DNAAF9: variants seen among roughly 807,000 people sequenced by gnomAD.
The protein encoded by DNAAF9 is shulin.
Under a neutral mutation model 167.0 loss-of-function variants are expected in DNAAF9, and 90 were observed. The observed-to-expected ratio is 0.54, with a 90% CI of 0.45 to 0.64. The LOEUF (loss-of-function observed/expected upper bound fraction) is 0.64, where lower values mean the gene tolerates loss of function less well. Ranked by LOEUF, DNAAF9 falls within the 30% of genes least tolerant of loss-of-function variation. The pLI is 0.00. For missense variants in DNAAF9, 1,315 were observed against 1,442.2 expected (o/e 0.91, Z 1.43); for synonymous variants, 491 against 508.8 (o/e 0.96, Z 0.47).
intron 25 of DNAAF9, among the ~76,000 whole-genome samples, chr20:3,290,558 T>C (rs2122906640): frequency 6.6e-6 from 1 of 152,328 alleles, no homozygotes; most frequent in South Asian, 2.1e-4. Flanking sequence ...AGGACCTACC[T>C]GCTTGAGACC....
At chr20:3,386,140 A>C (rs144452196) in intron 1 of DNAAF9, among the ~76,000 whole-genome samples, 1 of 152,156 alleles carries the variant, frequency 6.6e-6, no homozygotes, top group African/African-American at 2.4e-5. Flanking sequence ...AAATAAATAA[A>C]ACTCATAAGG....
chr20:3,356,844 C>T (rs1278512474), intron 7 of DNAAF9, among the ~76,000 whole-genome samples: 2 of 152,116 alleles, frequency 1.3e-5, no homozygotes, highest in East Asian at 3.9e-4. Flanking sequence ...TCCATATGAC[C>T]AGGGCCAACA....
rs774391789 is a variant in DNAAF9 at position 3,381,737 on chromosome 20, CCTGTTA to C, written c.164-245_164-240del. On this transcript the variant is annotated intron_variant, in intron 2 of 36. Coordinates refer to ENST00000252032, the MANE Select transcript of DNAAF9 (RefSeq NM_001009984.3). Reference sequence around the variant, plus strand: ...TAATCAAACAGCACAGATTATGGAGCCTGTTAATTTCTGAAAAGGATTCATCTTGGA... The same window carrying C: ...TAATCAAACAGCACAGATTATGGAGCATTTCTGAAAAGGATTCATCTTGGA... Among the ~76,000 whole-genome samples the C allele has an allele frequency of 1.6e-3, 243 of 152,230 alleles. 1 individual carries two copies. Among genetic ancestry groups the C allele is most frequent in the Non-Finnish European group, 2.3e-3 (159 of 68,020 alleles).
chr20:3,316,035 G>T (rs2069494949), intron 18 of DNAAF9: 4 of 546,416 alleles, frequency 7.3e-6, no homozygotes, highest in Non-Finnish European at 1.3e-5. Flanking sequence ...AAGCAGAGGG[G>T]ATGTGTTAGT....
chr20:3,278,766 T>C (rs1369300526), intron 29 of DNAAF9, 146 bp downstream of exon 29: 1 of 748,470 alleles, frequency 1.3e-6, no homozygotes, highest in Non-Finnish European at 2.5e-6. Context: ...TCAAATATGG[T>C]AAAAGTAAAG....
In DNAAF9 at chr20:3,348,613, G is replaced by A; in HGVS notation, c.701C>T (p.Ala234Val). The change falls in exon 8 of 37, where the codon GCT (alanine) becomes GTT (valine). Residue 234 changes from alanine (A) to valine (V), a missense_variant. Ala to Val is a moderately conservative substitution (Grantham distance 64, BLOSUM62 0). Coordinates refer to ENST00000252032, the MANE Select transcript of DNAAF9 (RefSeq NM_001009984.3). ...GAAGCTAGTCCACTGATGTTCAAAAGCCACCAAATCCTGGGAAAAAAAGGA... is the reference window on the plus strand; with the variant it reads ...GAAGCTAGTCCACTGATGTTCAAAAACCACCAAATCCTGGGAAAAAAAGGA... ...LESLLSDDLV[A>V]FEHQWTSFFA... 6.3e-7 allele frequency: 1 copy of A among 1,596,130 alleles called. No homozygotes were observed. The highest frequency in any genetic ancestry group is 8.5e-7 in the Non-Finnish European group (1 of 1,169,978).
intron 3 of DNAAF9, 70 bp downstream of exon 3, chr20:3,381,309 A>G: frequency 7.9e-7 from 1 of 1,271,050 alleles, no homozygotes; most frequent in East Asian, 2.5e-5. Flanking sequence ...TAAGAAGACC[A>G]TAAAATAAGG....
chr20:3,281,801 G>C, intron 27 of DNAAF9, 35 bp from the exon 28 acceptor site: 1 of 1,590,466 alleles, frequency 6.3e-7, no homozygotes, highest in Non-Finnish European at 8.5e-7. Flanking sequence ...TTAGTTCACT[G>C]ACTGGCATTG....
chr20:3,322,095 G>A (rs2069625825), intron 16 of DNAAF9, 122 bp downstream of exon 16: 2 of 700,482 alleles, frequency 2.9e-6, no homozygotes, highest in South Asian at 3.2e-5. Context: ...AGGACTGAGA[G>A]AAGATCAGCT....
intron 29 of DNAAF9, among the ~76,000 whole-genome samples, chr20:3,276,863 C>A (rs1197131908): frequency 1.3e-5 from 2 of 152,186 alleles, no homozygotes; most frequent in Admixed American, 1.3e-4. Flanking sequence ...GCCCCCTAGG[C>A]AAACACTTCC....
intron 10 of DNAAF9, among the ~76,000 whole-genome samples, chr20:3,338,965 G>A (rs1439333112): frequency 2.0e-5 from 3 of 151,622 alleles, no homozygotes; most frequent in Non-Finnish European, 2.9e-5. Context: ...GTTCTTGGAT[G>A]ATTTTTTTTT....
At chr20:3,353,492 G>C (rs532865933) in intron 7 of DNAAF9, among the ~76,000 whole-genome samples, 2 of 152,190 alleles carry the variant, frequency 1.3e-5, no homozygotes, top group East Asian at 3.9e-4. Context: ...GCCAGGTGTG[G>C]TGGCAAGTGC....
intron 20 of DNAAF9, among the ~76,000 whole-genome samples, chr20:3,304,958 C>G (rs548281429): frequency 3.3e-5 from 5 of 152,244 alleles, no homozygotes; most frequent in African/African-American, 1.2e-4. Context: ...ACTTAGGGCC[C>G]GAGAAGGAGC....
chr20:3,344,411 T>C (rs1197046927), intron 8 of DNAAF9, among the ~76,000 whole-genome samples: 1 of 152,132 alleles, frequency 6.6e-6, no homozygotes, highest in Admixed American at 6.5e-5. Flanking sequence ...TAGAAGACAA[T>C]AAAAACCACC....
intron 30 of DNAAF9, among the ~76,000 whole-genome samples, chr20:3,268,563 G>A (rs925461219): frequency 1.3e-4 from 20 of 152,140 alleles, no homozygotes; most frequent in Non-Finnish European, 1.2e-4. Flanking sequence ...TCCTGACTTC[G>A]TGATCTGCCT....
chr20:3,394,622 G>A (rs889054526), intron 1 of DNAAF9, among the ~76,000 whole-genome samples: 3 of 151,696 alleles, frequency 2.0e-5, no homozygotes, highest in African/African-American at 7.3e-5. Flanking sequence ...TTTTACTTTC[G>A]TGAAGCAGGA....
intron 33 of DNAAF9, among the ~76,000 whole-genome samples, chr20:3,256,838 C>CA (rs1346181474): frequency 1.3e-5 from 2 of 152,156 alleles, no homozygotes; most frequent in African/African-American, 4.8e-5. Flanking sequence ...GCAGAGGCCT[C>CA]AGAGGCCAAG....
intron 6 of DNAAF9, among the ~76,000 whole-genome samples, chr20:3,364,940 C>T (rs6037576): frequency 3.5e-5 from 5 of 143,050 alleles, no homozygotes; most frequent in Non-Finnish European, 6.0e-5. Flanking sequence ...CCTTCTTTTC[C>T]TTTTTTCTTT....
In DNAAF9 at chr20:3,397,711, ATT is replaced by A. The variant is rs113773078; in HGVS notation, c.83+9762_83+9763del. Among the ~76,000 whole-genome samples the A allele has an allele frequency of 8.4e-3, 750 of 88,970 alleles. 4 individuals carry two copies. The highest frequency in any genetic ancestry group is 0.029 in the African/African-American group (696 of 24,420). The allele number at this position is 88,970 out of a possible 152,430, so 58.4% of individuals were successfully genotyped here. On this transcript the variant is annotated intron_variant, in intron 1 of 36. Coordinates refer to ENST00000252032, the MANE Select transcript of DNAAF9 (RefSeq NM_001009984.3). ...GGAATGAGTGTTAAATTTTAAGCAGATTTTTTTTGGGGGGGGGGAACATCTAC... is the reference window on the plus strand; with the variant it reads ...GGAATGAGTGTTAAATTTTAAGCAGATTTTTTGGGGGGGGGGAACATCTAC...
Sources: allele counts gnomAD v4.1 joint callset (sites outside exome capture counted in the v4.1 genomes callset), GRCh38; gene constraint gnomAD v4.1.1; transcripts MANE v1.5; gene names NCBI Gene and HGNC (gene_info 2026-07-23, HGNC 2026-07-21).